KCNH1: variants seen among roughly 807,000 people sequenced by gnomAD.
The protein encoded by KCNH1 is potassium voltage-gated channel subfamily H member 1, also known as voltage-gated delayed rectifier potassium channel KCNH1.
Under a neutral mutation model 69.2 loss-of-function variants are expected in KCNH1, and 27 were observed. The ratio of observed to expected loss-of-function variants is 0.39; its 90% CI spans 0.29 to 0.54. The LOEUF (loss-of-function observed/expected upper bound fraction) is 0.54. Ranked by LOEUF, KCNH1 falls within the 20% of genes least tolerant of loss-of-function variation. KCNH1 has a pLI of 0.68. For missense variants in KCNH1, 798 were observed against 1,261.6 expected, an observed-to-expected ratio of 0.63 and a Z score of 5.57; for synonymous variants, 456 against 487.7, an observed-to-expected ratio of 0.93 and a Z score of 0.86.
At chr1:210,885,369 A>T (rs982174667) in intron 7 of KCNH1, among the ~76,000 whole-genome samples, 2 of 152,110 alleles carry the variant, frequency 1.3e-5, no homozygotes, top group African/African-American at 4.8e-5. Context: ...GGAATAGTGC[A>T]CTCTGGCCAA....
chr1:211,020,335 T>C (rs547903964), intron 5 of KCNH1, among the ~76,000 whole-genome samples: 2 of 151,858 alleles, frequency 1.3e-5, no homozygotes, highest in South Asian at 4.1e-4. Context: ...AAAGGATCAT[T>C]AGAAGCTATT....
At chr1:210,702,751 T>C (rs543647045) in intron 10 of KCNH1, among the ~76,000 whole-genome samples, 2 of 152,304 alleles carry the variant, frequency 1.3e-5, no homozygotes, top group Admixed American at 6.5e-5. Flanking sequence ...TTTGTGCTTC[T>C]AAGGACAGAG....
intron 6 of KCNH1, among the ~76,000 whole-genome samples, chr1:210,949,449 C>T (rs903993471): frequency 6.6e-6 from 1 of 152,198 alleles, no homozygotes; most frequent in African/African-American, 2.4e-5. Context: ...AAGAGATTAC[C>T]CCTTTGCTTT....
intron 7 of KCNH1, chr1:210,861,091 A>C (rs1685969007): frequency 1.1e-6 from 1 of 896,298 alleles, no homozygotes; most frequent in Admixed American, 1.8e-5. Context: ...CTGTAAACAA[A>C]AGCTTCTGGG....
In KCNH1 at chr1:211,018,912, C is replaced by T. The variant is rs766815516; in HGVS notation, c.903G>A (p.Leu301=). Residue 301 remains leucine, a synonymous_variant, in exon 6 of 11, where the codon CTG becomes CTA. Coordinates refer to ENST00000271751, the MANE Select transcript of KCNH1 (RefSeq NM_172362.3). The part of the protein sequence containing the change: ...YLKTWFVIDL[L]SCLPYDVINA... ...TGATGACATCATATGGCAAACAGGACAGAAGGTCAATCACAAACCACGTCT... is the reference window on the plus strand; with the variant it reads ...TGATGACATCATATGGCAAACAGGATAGAAGGTCAATCACAAACCACGTCT... 7 of 1,613,948 alleles carry T rather than the reference C, an allele frequency of 4.3e-6. No individual in the cohort carries two copies. In the Admixed American group the frequency reaches 1.2e-4, roughly 27 times the overall value.
intron 7 of KCNH1, among the ~76,000 whole-genome samples, chr1:210,856,889 AT>A (rs1422670232): frequency 5.9e-5 from 8 of 135,338 alleles, no homozygotes; most frequent in Non-Finnish European, 1.3e-4. Context: ...ATATATATAT[AT>A]ATATATATAA....
intron 6 of KCNH1, among the ~76,000 whole-genome samples, chr1:210,983,170 G>C (rs1688748517): frequency 1.3e-5 from 2 of 152,034 alleles, no homozygotes; most frequent in South Asian, 4.2e-4. Flanking sequence ...CTGCATATTA[G>C]CCATTTGTCA....
At chr1:211,032,143 A>G (rs1025605109) in intron 5 of KCNH1, among the ~76,000 whole-genome samples, 2 of 152,234 alleles carry the variant, frequency 1.3e-5, no homozygotes, top group African/African-American at 4.8e-5. Context: ...CCAAATCATG[A>G]GTGAACTCCC....
chr1:210,903,515 T>C lies in KCNH1; in HGVS notation c.1462+16125A>G, dbSNP rs114170866. Among the ~76,000 whole-genome samples, 448 of 152,272 alleles carry C rather than the reference T, an allele frequency of 2.9e-3. 3 individuals are homozygous for C. Among genetic ancestry groups the C allele is most frequent in the African/African-American group, 0.01 (424 of 41,568 alleles). ...GTATGTATTTCATTATATCAACAAA[T>C]AGCAAAATTTTTTTCATGGATATAC... On this transcript the variant is annotated intron_variant, in intron 7 of 10. Transcript: ENST00000271751.
At chr1:211,108,279 T>C (rs1303933108) in intron 1 of KCNH1, among the ~76,000 whole-genome samples, 1 of 152,190 alleles carries the variant, frequency 6.6e-6, no homozygotes, top group Non-Finnish European at 1.5e-5. Context: ...ATCATTATTT[T>C]AGTTTGGCCC....
At chr1:210,951,090 C>G (rs17188748) in intron 6 of KCNH1, among the ~76,000 whole-genome samples, 52,679 of 152,068 alleles carry the variant, frequency 0.35, 9,492 homozygotes, top group Non-Finnish European at 0.38. Flanking sequence ...AGTATTTCCA[C>G]ACAGACTCAG....
chr1:210,898,582 A>G (rs1686921405), intron 7 of KCNH1, among the ~76,000 whole-genome samples: 1 of 151,996 alleles, frequency 6.6e-6, no homozygotes, highest in Non-Finnish European at 1.5e-5. Context: ...AGCAGAACTC[A>G]CTGCTGAGCA....
intron 1 of KCNH1, among the ~76,000 whole-genome samples, chr1:211,115,467 C>G (rs915338181): frequency 2.0e-5 from 3 of 151,908 alleles, no homozygotes; most frequent in African/African-American, 4.8e-5. Context: ...ATCTGGTGGG[C>G]ACCATCTAAT....
intron 10 of KCNH1, among the ~76,000 whole-genome samples, chr1:210,705,194 C>T (rs1029365580): frequency 2.6e-5 from 4 of 152,324 alleles, no homozygotes; most frequent in East Asian, 1.9e-4. Flanking sequence ...CGAGGGCACC[C>T]GCTGAGAAGT....
intron 6 of KCNH1, among the ~76,000 whole-genome samples, chr1:210,975,258 T>C (rs1688583755): frequency 6.6e-6 from 1 of 152,160 alleles, no homozygotes; most frequent in Admixed American, 6.5e-5. Context: ...ATCAATTTTG[T>C]TGATCTTTTC....
chr1:210,763,717 C>T (rs182550809), intron 10 of KCNH1, among the ~76,000 whole-genome samples: 4 of 152,108 alleles, frequency 2.6e-5, no homozygotes, highest in Admixed American at 1.3e-4. Flanking sequence ...AAATCATAGA[C>T]AACACAAACA....
At chr1:210,912,441 A>C (rs1223934938) in intron 7 of KCNH1, among the ~76,000 whole-genome samples, 1 of 152,120 alleles carries the variant, frequency 6.6e-6, no homozygotes, top group East Asian at 1.9e-4. Context: ...TCATATCCAG[A>C]TATACTTATA....
At chr1:211,132,962 G>C (rs1691903534) in intron 1 of KCNH1, 1 of 152,194 alleles carries the variant, frequency 6.6e-6, no homozygotes, top group Non-Finnish European at 1.5e-5. Context: ...AAGGCGTTTG[G>C]AATTCTTCCT....
At position 210,901,140 on chromosome 1, in the gene KCNH1, A is replaced by T. The variant is rs60879777; in HGVS notation, c.1462+18500T>A. On this transcript the variant is annotated intron_variant, in intron 7 of 10. Coordinates refer to ENST00000271751, the MANE Select transcript of KCNH1 (RefSeq NM_172362.3). ...CTCAAACTCAACATATTTAAACTCA[A>T]ACTCATGATCTACCCCTAAATGGCA... Among the ~76,000 whole-genome samples the T allele has an allele frequency of 3.5e-3, 528 of 151,782 alleles. 3 individuals carry two copies. The highest frequency in any genetic ancestry group is 0.013 in the African/African-American group (518 of 41,374).
Sources: gnomAD v4.1 joint callset for allele counts (sites outside exome capture counted in the v4.1 genomes callset) on GRCh38, gnomAD v4.1.1 for gene constraint, MANE v1.5 for transcripts, NCBI Gene and HGNC (gene_info 2026-07-23, HGNC 2026-07-21) for gene names.